The following TARBP1 variants were observed in gnomAD, a reference collection of about 807,000 sequenced individuals.
TARBP1 encodes tRNA (guanosine(18)-2'-O)-methyltransferase TARBP1.
A neutral mutation model predicts 178.6 loss-of-function variants in TARBP1; 144 were observed. That is an observed-to-expected ratio of 0.81 (90% CI 0.70 to 0.93). The LOEUF (loss-of-function observed/expected upper bound fraction) is 0.93. TARBP1 is among the 40% of genes least tolerant of loss of function. TARBP1 has a pLI of 0.00. For missense variants in TARBP1, 2,067 were observed against 2,011.7 expected (o/e 1.03, Z -0.53); for synonymous variants, 787 against 781.0 (o/e 1.01, Z -0.13).
At chr1:234,457,563 ACAAAG>A (rs1667412120) in intron 9 of TARBP1, 99 bp downstream of exon 9, 1 of 717,320 alleles carries the variant, frequency 1.4e-6, no homozygotes, top group Non-Finnish European at 2.2e-6. Context: ...CTGACAGATA[ACAAAG>A]CAATCATTAT....
chr1:234,433,286 A>G (rs763263169), intron 14 of TARBP1, 124 bp downstream of exon 14: 50 of 1,010,462 alleles, frequency 4.9e-5, no homozygotes, highest in African/African-American at 3.2e-4. Flanking sequence ...ACTAGAGGGT[A>G]TATTTTAAAA....
intron 8 of TARBP1, 60 bp from the exon 9 acceptor site, chr1:234,457,816 C>A: frequency 2.4e-6 from 3 of 1,258,852 alleles, no homozygotes; most frequent in Non-Finnish European, 3.4e-6. Flanking sequence ...ATTGAATAAA[C>A]TAAAACCACT....
chr1:234,428,071 G>C (rs1663987650), intron 17 of TARBP1, among the ~76,000 whole-genome samples: 1 of 152,170 alleles, frequency 6.6e-6, no homozygotes, highest in Admixed American at 6.5e-5. Flanking sequence ...AGCTTCCTTT[G>C]TTTGCATTTT....
At position 234,465,636 on chromosome 1, in the gene TARBP1, A is replaced by G. The variant is rs761294168; in HGVS notation, c.1301+20T>C. On this transcript the variant is annotated intron_variant, in intron 5 of 29. Coordinates refer to ENST00000040877, the MANE Select transcript of TARBP1 (RefSeq NM_005646.4). ...ATGAAATGTATGTATCAAATACTTCATAACATAATGTCTCTTTACCTGCTA... is the reference window on the plus strand; with the variant it reads ...ATGAAATGTATGTATCAAATACTTCGTAACATAATGTCTCTTTACCTGCTA... The G allele has an allele frequency of 6.4e-7, 1 of 1,556,114 alleles. No individual in the cohort carries two copies. The highest frequency in any genetic ancestry group is 2.1e-5 in the Admixed American group (1 of 46,922).
At chr1:234,459,565 A>G (rs1454488715) in intron 7 of TARBP1, among the ~76,000 whole-genome samples, 1 of 152,148 alleles carries the variant, frequency 6.6e-6, no homozygotes, top group African/African-American at 2.4e-5. Context: ...TAATCCCACA[A>G]CTTTGAGAGA....
chr1:234,426,504 A>G (rs1008514438), intron 19 of TARBP1, among the ~76,000 whole-genome samples: 4 of 152,228 alleles, frequency 2.6e-5, no homozygotes, highest in East Asian at 1.9e-4. Context: ...AAAAAAATGT[A>G]TATCTTTCAT....
chr1:234,459,250 C>T lies in TARBP1; in HGVS notation c.1612G>A (p.Ala538Thr). ...CTTACCACATCTAGCAAATTCATAGCTGTTTGAAGAAGGTAGCATTGGGCT... is the reference window on the plus strand; with the variant it reads ...CTTACCACATCTAGCAAATTCATAGTTGTTTGAAGAAGGTAGCATTGGGCT... ...GAAQCYLLQT[A>T]MNLLDVEKVS... Residue 538 changes from alanine (A) to threonine (T), a missense_variant, in exon 8 of 30, where the codon GCT (alanine) becomes ACT (threonine). Physicochemically the swap from Ala to Thr is moderately conservative, Grantham distance 58. Coordinates refer to ENST00000040877, the MANE Select transcript of TARBP1 (RefSeq NM_005646.4). The T allele has an allele frequency of 6.2e-7, 1 of 1,611,748 alleles. No individual in the cohort carries two copies. The highest frequency in any genetic ancestry group is 8.5e-7 in the Non-Finnish European group (1 of 1,179,248).
intron 15 of TARBP1, 44 bp downstream of exon 15, chr1:234,430,043 G>A (rs1487769786): frequency 6.4e-7 from 1 of 1,552,464 alleles, no homozygotes; most frequent in African/African-American, 1.4e-5. Context: ...AACTCACGGT[G>A]ACAACAACAG....
chr1:234,470,252 T>C (rs902831914), intron 3 of TARBP1, among the ~76,000 whole-genome samples: 1 of 151,906 alleles, frequency 6.6e-6, no homozygotes, highest in African/African-American at 2.4e-5. Flanking sequence ...GGGCAACAGA[T>C]TGCAAGACTC....
At chr1:234,422,476 C>A (rs181049864) in intron 20 of TARBP1, among the ~76,000 whole-genome samples, 6 of 152,074 alleles carry the variant, frequency 3.9e-5, no homozygotes, top group African/African-American at 1.4e-4. Flanking sequence ...GTGAAATAAG[C>A]CAGGCACAAA....
At position 234,437,368 on chromosome 1, in the gene TARBP1, CT is replaced by C. The variant is rs749405492; in HGVS notation, c.2138del (p.Glu713GlyfsTer27). The stretch of plus-strand genomic sequence containing the variant: ...AAAAGTTCTGAAGAACAGTAGACAC[CT>C]CATCTGTATGGGGGCAAAAAGCATG... The part of the protein sequence containing the change: ...RLKGSSAQDD[E>X]VSTVLQNFFM... On this transcript the variant is annotated frameshift_variant, in exon 13 of 30. Coordinates refer to ENST00000040877, the MANE Select transcript of TARBP1 (RefSeq NM_005646.4). LOFTEE classifies it high-confidence loss of function. 1 of 1,549,920 alleles carries C rather than the reference CT, an allele frequency of 6.5e-7. No homozygotes were observed. Among genetic ancestry groups the C allele is most frequent in the South Asian group, 1.3e-5 (1 of 79,320 alleles).
chr1:234,399,599 G>A (rs199911540), intron 25 of TARBP1, among the ~76,000 whole-genome samples: 9 of 151,984 alleles, frequency 5.9e-5, no homozygotes, highest in South Asian at 2.1e-4. Context: ...TGTTTATTGC[G>A]GCACTATTCA....
chr1:234,455,462 T>G (rs1379760743), intron 9 of TARBP1, among the ~76,000 whole-genome samples: 1 of 152,192 alleles, frequency 6.6e-6, no homozygotes, highest in East Asian at 1.9e-4. Flanking sequence ...TGGAATACTA[T>G]GCAAGCTTTA....
intron 6 of TARBP1, among the ~76,000 whole-genome samples, chr1:234,461,718 A>G (rs1667879808): frequency 6.6e-6 from 1 of 152,200 alleles, no homozygotes; most frequent in African/African-American, 2.4e-5. Flanking sequence ...TGCAAACAGT[A>G]ACATCTTTCT....
intron 24 of TARBP1, among the ~76,000 whole-genome samples, chr1:234,402,844 G>A (rs910756800): frequency 6.6e-6 from 1 of 151,884 alleles, no homozygotes; most frequent in Non-Finnish European, 1.5e-5. Flanking sequence ...CCTCGGCCTC[G>A]CAAAGTGCTG....
At chr1:234,413,542 A>C (rs1156758769) in intron 22 of TARBP1, among the ~76,000 whole-genome samples, 3 of 152,210 alleles carry the variant, frequency 2.0e-5, no homozygotes, top group African/African-American at 7.2e-5. Flanking sequence ...GAAAACAGAC[A>C]ATCAGTGTGC....
chr1:234,436,461 TATAG>T (rs1665040724), intron 13 of TARBP1, among the ~76,000 whole-genome samples: 1 of 152,192 alleles, frequency 6.6e-6, no homozygotes, highest in South Asian at 2.1e-4. Context: ...TTAAGGAAGA[TATAG>T]ATAAATATTC....
rs1371663569 is a variant in TARBP1, at chr1:234,429,560, G to C, written c.2727C>G (p.Thr909=). ...ACGGTTCCAGAATTTCACTCCCTGT[G>C]GTTGGTATAAGGGTGTGATATTTTT... ...LLKKYHTLIP[T]TGSEILEPFL... The change falls in exon 16 of 30, where the codon ACC becomes ACG. Residue 909 remains threonine (T), a synonymous_variant. Coordinates refer to ENST00000040877, the MANE Select transcript of TARBP1 (RefSeq NM_005646.4). The C allele has an allele frequency of 3.1e-6, 5 of 1,614,074 alleles. No individual in the cohort carries two copies. Among genetic ancestry groups the C allele is most frequent in the Non-Finnish European group, 4.2e-6 (5 of 1,180,048 alleles).
intron 3 of TARBP1, among the ~76,000 whole-genome samples, chr1:234,470,635 G>GACAAAGCA (rs750909326): frequency 2.3e-5 from 3 of 132,466 alleles, no homozygotes; most frequent in African/African-American, 8.1e-5. Context: ...TTTTTTTTTT[G>GACAAAGCA]AGACGGAGTC....
Sources: allele counts gnomAD v4.1 joint callset (sites outside exome capture counted in the v4.1 genomes callset), GRCh38; gene constraint gnomAD v4.1.1; transcripts MANE v1.5; gene names NCBI Gene and HGNC (gene_info 2026-07-23, HGNC 2026-07-21).